TMEM184C: variants seen among roughly 807,000 people sequenced by gnomAD.
TMEM184C encodes the protein transmembrane protein 184C.
Under a neutral mutation model 54.5 loss-of-function variants are expected in TMEM184C, and 25 were observed. The ratio of observed to expected loss-of-function variants is 0.46; its 90% CI spans 0.33 to 0.64. TMEM184C has a LOEUF of 0.64. TMEM184C is among the 30% of genes least tolerant of loss of function. The probability of loss-of-function intolerance (pLI) is 0.02; values close to 1 mark genes in which losing one functional copy is unlikely to be tolerated. For synonymous variants in TMEM184C, 148 were observed against 181.5 expected (o/e 0.82, Z 1.49); for missense variants, 335 against 520.3 (o/e 0.64, Z 3.46).
Position 147,617,829 on chromosome 4 carries a change from C to G in TMEM184C, c.-128C>G, listed in dbSNP as rs1176287623. 2 of 1,371,028 alleles carry G rather than the reference C, an allele frequency of 1.5e-6. No homozygotes were observed. The highest frequency in any genetic ancestry group is 2.0e-6 in the Non-Finnish European group (2 of 977,250). 84.9% of individuals were successfully genotyped at this position (1,371,028 alleles called of 1,614,324 possible). ...GGTCCAGGAGGCGGCTCGAGCTGTT[C>G]GTAAAGTCGCCCGACAGCTTTTTCT... On this transcript the variant is annotated 5_prime_UTR_variant, in exon 1 of 10. Coordinates refer to ENST00000296582, the MANE Select transcript of TMEM184C (RefSeq NM_018241.3).
intron 1 of TMEM184C, among the ~76,000 whole-genome samples, chr4:147,618,786 T>TATTTA (rs1732648820): frequency 6.6e-6 from 1 of 152,254 alleles, no homozygotes; most frequent in South Asian, 2.1e-4. Flanking sequence ...TTACATAAAC[T>TATTTA]GTATTTAATA....
chr4:147,619,428 C>T (rs1224905209), intron 1 of TMEM184C, among the ~76,000 whole-genome samples: 1 of 152,048 alleles, frequency 6.6e-6, no homozygotes, highest in Non-Finnish European at 1.5e-5. Context: ...AACTCCTGAC[C>T]TTGTGATCCA....
intron 1 of TMEM184C, among the ~76,000 whole-genome samples, chr4:147,619,099 C>T (rs915660481): frequency 1.3e-5 from 2 of 152,216 alleles, no homozygotes; most frequent in Non-Finnish European, 2.9e-5. Context: ...AAACTCCTGA[C>T]CTCAGGTGAT....
At position 147,634,506 on chromosome 4, in the gene TMEM184C, G is replaced by C. The variant is rs1265163595; in HGVS notation, c.*72G>C. 31 of 1,510,778 alleles carry C rather than the reference G, an allele frequency of 2.1e-5. No homozygotes were observed. Among genetic ancestry groups the C allele is most frequent in the Non-Finnish European group, 2.8e-5 (31 of 1,121,800 alleles). The allele number at this position is 1,510,778 out of a possible 1,614,324, so 93.6% of individuals were successfully genotyped here. A position where few individuals can be genotyped will look rare whatever the true frequency, so the allele number is the denominator to read the frequency against. ...CTGGTATCCCATGGATTTTGTGCTT[G>C]GGACAGACCATAAATGATGGAAAAT... On this transcript the variant is annotated 3_prime_UTR_variant, in exon 10 of 10. Coordinates refer to ENST00000296582, the MANE Select transcript of TMEM184C (RefSeq NM_018241.3).
intron 8 of TMEM184C, among the ~76,000 whole-genome samples, chr4:147,633,332 C>CA (rs1344041083): frequency 6.6e-6 from 1 of 151,486 alleles, no homozygotes; most frequent in Non-Finnish European, 1.5e-5. Context: ...TGCAGTGACT[C>CA]ACGCCTGTAA....
chr4:147,623,759 C>A, intron 1 of TMEM184C, 75 bp from the exon 2 acceptor site: 2 of 1,451,604 alleles, frequency 1.4e-6, no homozygotes, highest in Non-Finnish European at 9.6e-7. Flanking sequence ...ATTATAGGCA[C>A]AAGGCACTGA....
chr4:147,625,859 G>A (rs376223481), intron 4 of TMEM184C, among the ~76,000 whole-genome samples: 3 of 152,218 alleles, frequency 2.0e-5, no homozygotes, highest in African/African-American at 4.8e-5. Context: ...AGAGCCAGCT[G>A]TGCGGGAGAC....
intron 8 of TMEM184C, among the ~76,000 whole-genome samples, chr4:147,633,323 G>A (rs1732950478): frequency 6.6e-6 from 1 of 151,620 alleles, no homozygotes; most frequent in Non-Finnish European, 1.5e-5. Context: ...CTGGCCTGGT[G>A]CAGTGACTCA....
At chr4:147,633,998 A>G in intron 9 of TMEM184C, 62 bp downstream of exon 9, 1 of 1,551,856 alleles carries the variant, frequency 6.4e-7, no homozygotes, top group Non-Finnish European at 8.7e-7. Context: ...TTCTCCTACT[A>G]GGGCAATTTA....
At chr4:147,620,922 G>A (rs1305908651) in intron 1 of TMEM184C, among the ~76,000 whole-genome samples, 1 of 152,236 alleles carries the variant, frequency 6.6e-6, no homozygotes, top group Non-Finnish European at 1.5e-5. Context: ...AGATACAAAT[G>A]TGAGAGTTTA....
chr4:147,629,730 T>C (rs759063126), intron 6 of TMEM184C, 38 bp downstream of exon 6: 18 of 1,421,700 alleles, frequency 1.3e-5, no homozygotes, highest in African/African-American at 1.5e-5. Context: ...CTGTACTAAA[T>C]TCGTATCTAT....
chr4:147,625,094 A>C, intron 4 of TMEM184C, 85 bp downstream of exon 4: 2 of 1,259,572 alleles, frequency 1.6e-6, no homozygotes, highest in Admixed American at 3.7e-5. Flanking sequence ...TTTACAAGGC[A>C]GTGCATTAAG....
chr4:147,626,657 A>C (rs1338518699), intron 4 of TMEM184C, among the ~76,000 whole-genome samples: 1 of 152,236 alleles, frequency 6.6e-6, no homozygotes, highest in East Asian at 1.9e-4. Context: ...TCATTTGACA[A>C]ATATATGTTG....
rs368895550 is a variant in TMEM184C, at chr4:147,633,037, T to C, written c.879+35T>C. 7.7e-6 allele frequency: 12 copies of C among 1,565,264 alleles called. No individual in the cohort carries two copies. The African/African-American group carries it at 1.5e-4, about 19-fold the overall frequency. The stretch of plus-strand genomic sequence containing the variant: ...GCCATCTCTGAATTCAATAGAACTT[T>C]ACTATTTGTTAAGCATTTTTACATA... On this transcript the variant is annotated intron_variant, in intron 8 of 9. Coordinates refer to ENST00000296582, the MANE Select transcript of TMEM184C (RefSeq NM_018241.3).
intron 6 of TMEM184C, 97 bp from the exon 7 acceptor site, chr4:147,631,296 G>A (rs886533755): frequency 1.1e-6 from 1 of 898,162 alleles, no homozygotes; most frequent in African/African-American, 1.7e-5. Flanking sequence ...AAGTTTGCCT[G>A]AAACATTACT....
chr4:147,630,654 TA>T (rs1732900824), intron 6 of TMEM184C, among the ~76,000 whole-genome samples: 1 of 152,078 alleles, frequency 6.6e-6, no homozygotes, highest in Non-Finnish European at 1.5e-5. Flanking sequence ...AATAAAATTT[TA>T]TAATTAGTTC....
At chr4:147,619,883 ATCT>A (rs934364240) in intron 1 of TMEM184C, among the ~76,000 whole-genome samples, 4 of 152,308 alleles carry the variant, frequency 2.6e-5, no homozygotes, top group Non-Finnish European at 5.9e-5. Context: ...TATGTGTGTC[ATCT>A]TAAATCACTT....
At chr4:147,623,236 C>T (rs1304927605) in intron 1 of TMEM184C, among the ~76,000 whole-genome samples, 1 of 152,074 alleles carries the variant, frequency 6.6e-6, no homozygotes, top group African/African-American at 2.4e-5. Context: ...CACTTGAAGT[C>T]AGGAGTTCCA....
rs761253368 is a variant in TMEM184C at position 147,636,233 on chromosome 4, C to T, written c.*1799C>T. 1 of 151,958 alleles carries T rather than the reference C, an allele frequency of 6.6e-6. No homozygotes were observed. The highest frequency in any genetic ancestry group is 2.1e-4 in the South Asian group (1 of 4,810). 9.4% of individuals were successfully genotyped at this position (151,958 alleles called of 1,614,324 possible). The stretch of plus-strand genomic sequence containing the variant: ...CCTAATTATAAATTATACTACAAAA[C>T]TATAGTAATCAAGACAGTATGGTAC... On this transcript the variant is annotated 3_prime_UTR_variant, in exon 10 of 10. Transcript: ENST00000296582.
Sources: allele counts gnomAD v4.1 joint callset (sites outside exome capture counted in the v4.1 genomes callset), GRCh38; gene constraint gnomAD v4.1.1; transcripts MANE v1.5; gene names NCBI Gene and HGNC (gene_info 2026-07-23, HGNC 2026-07-21).